The following SCFD2 variants were observed in gnomAD, a reference collection of about 807,000 sequenced individuals.
SCFD2 encodes sec1 family domain-containing protein 2.
SCFD2 carries 54 observed loss-of-function variants against 58.9 expected under a neutral mutation model. That is an observed-to-expected ratio of 0.92 (90% CI 0.74 to 1.15). The LOEUF (loss-of-function observed/expected upper bound fraction) is 1.15, where lower values mean the gene tolerates loss of function less well. Ranked by LOEUF, SCFD2 falls within the 50% of genes most tolerant of loss-of-function variation. The pLI, the probability that SCFD2 is intolerant of heterozygous loss-of-function variation, is 0.00. For synonymous variants in SCFD2, 321 were observed against 335.9 expected, an observed-to-expected ratio of 0.96 and a Z score of 0.49; for missense variants, 805 against 836.6, an observed-to-expected ratio of 0.96 and a Z score of 0.47.
intron 7 of SCFD2, among the ~76,000 whole-genome samples, chr4:52,899,155 G>C (rs559148805): frequency 6.6e-6 from 1 of 152,250 alleles, no homozygotes; most frequent in African/African-American, 2.4e-5. Flanking sequence ...TTACATTTAA[G>C]GTTAGTATTG....
chr4:53,268,017 T>C (rs1225720308), intron 4 of SCFD2, among the ~76,000 whole-genome samples: 1 of 152,104 alleles, frequency 6.6e-6, no homozygotes, highest in Non-Finnish European at 1.5e-5. Flanking sequence ...TTAGAGGACA[T>C]GTGATGTAGA....
chr4:52,912,210 A>G (rs191650080), intron 6 of SCFD2, among the ~76,000 whole-genome samples: 12 of 152,298 alleles, frequency 7.9e-5, no homozygotes, highest in African/African-American at 2.9e-4. Flanking sequence ...GATAATGAAC[A>G]TTATAAAAAT....
At chr4:52,901,173 C>A (rs1448812811) in intron 7 of SCFD2, among the ~76,000 whole-genome samples, 1 of 152,218 alleles carries the variant, frequency 6.6e-6, no homozygotes, top group Non-Finnish European at 1.5e-5. Context: ...CCGGCATTCC[C>A]TCGTGAGATG....
chr4:52,958,349 A>G (rs1720758475), intron 5 of SCFD2, among the ~76,000 whole-genome samples: 1 of 152,240 alleles, frequency 6.6e-6, no homozygotes, highest in South Asian at 2.1e-4. Context: ...ATTTCTGGGA[A>G]GGAAAGAATT....
intron 4 of SCFD2, among the ~76,000 whole-genome samples, chr4:53,179,041 G>T (rs1012263193): frequency 6.6e-6 from 1 of 152,242 alleles, no homozygotes; most frequent in African/African-American, 2.4e-5. Context: ...ACCTGAAAGT[G>T]ATGGGGAGAA....
intron 7 of SCFD2, among the ~76,000 whole-genome samples, chr4:52,900,389 G>T (rs1042111574): frequency 2.0e-5 from 3 of 152,204 alleles, no homozygotes; most frequent in Non-Finnish European, 4.4e-5. Context: ...TCAGCTGCAG[G>T]TCTATTGGAG....
At chr4:53,063,101 T>C (rs1022088757) in intron 5 of SCFD2, among the ~76,000 whole-genome samples, 2 of 152,184 alleles carry the variant, frequency 1.3e-5, no homozygotes, top group African/African-American at 4.8e-5. Flanking sequence ...GACAAGGTTT[T>C]GCATACAAAA....
At chr4:53,271,434 A>ATTTT (rs1164629271) in intron 4 of SCFD2, among the ~76,000 whole-genome samples, 1 of 81,068 alleles carries the variant, frequency 1.2e-5, no homozygotes, top group Non-Finnish European at 2.8e-5. Context: ...TACATACATC[A>ATTTT]CTTTATTTAT....
chr4:52,965,074 G>T (rs1208458493), intron 5 of SCFD2, among the ~76,000 whole-genome samples: 1 of 151,942 alleles, frequency 6.6e-6, no homozygotes, highest in African/African-American at 2.4e-5. Context: ...CATTCACTCA[G>T]ACAGCATGTA....
At position 53,186,459 on chromosome 4, in the gene SCFD2, C is replaced by T. The variant is rs568207318; in HGVS notation, c.1312-40877G>A. ...GAGATTCTTGCACGAAGAACATGTC[C>T]AGAAAATGTTTGTTGAACTTACTTA... On this transcript the variant is annotated intron_variant, in intron 4 of 8. Coordinates refer to ENST00000401642, the MANE Select transcript of SCFD2 (RefSeq NM_152540.4). 2.6e-5 allele frequency among the ~76,000 whole-genome samples: 4 copies of T among 151,930 alleles called. No individual in the cohort carries two copies. In the South Asian group the frequency reaches 8.3e-4, roughly 32 times the overall value.
At chr4:52,907,706 A>G (rs1420574203) in intron 6 of SCFD2, 115 bp from the exon 7 acceptor site, 9 of 845,904 alleles carry the variant, frequency 1.1e-5, no homozygotes, top group Middle Eastern at 3.2e-4. Context: ...AGCAATGCCT[A>G]TATGTGTGTG....
intron 5 of SCFD2, among the ~76,000 whole-genome samples, chr4:53,018,683 T>A (rs1053528541): frequency 6.6e-6 from 1 of 152,172 alleles, no homozygotes; most frequent in Non-Finnish European, 1.5e-5. Flanking sequence ...AGACCCAGCA[T>A]ATCAACCCTG....
chr4:53,314,169 C>T (rs550751235), intron 2 of SCFD2, among the ~76,000 whole-genome samples: 128 of 152,106 alleles, frequency 8.4e-4, no homozygotes, highest in Non-Finnish European at 1.2e-3. Context: ...TATATCAATT[C>T]GAGATTAAAT....
chr4:52,989,945 C>T (rs1350816519), intron 5 of SCFD2, among the ~76,000 whole-genome samples: 5 of 152,166 alleles, frequency 3.3e-5, no homozygotes, highest in Admixed American at 6.5e-5. Flanking sequence ...CATCTCTCTC[C>T]TTCCCTCCCT....
At chr4:53,001,555 T>C (rs1185531247) in intron 5 of SCFD2, among the ~76,000 whole-genome samples, 1 of 152,250 alleles carries the variant, frequency 6.6e-6, no homozygotes, top group Non-Finnish European at 1.5e-5. Flanking sequence ...ATTAATAAAC[T>C]AAAACAAACT....
At chr4:53,067,616 C>T (rs1211243613) in intron 5 of SCFD2, among the ~76,000 whole-genome samples, 1 of 151,940 alleles carries the variant, frequency 6.6e-6, no homozygotes, top group Non-Finnish European at 1.5e-5. Context: ...GGGACTTCCC[C>T]CTTCTCTTGG....
chr4:52,901,215 C>T (rs1186785025), intron 7 of SCFD2, among the ~76,000 whole-genome samples: 2 of 152,206 alleles, frequency 1.3e-5, no homozygotes, highest in Non-Finnish European at 2.9e-5. Context: ...ATGCAGAAAC[C>T]ACCCATCTTC....
At chr4:52,952,495 G>T (rs1364325499) in intron 5 of SCFD2, among the ~76,000 whole-genome samples, 1 of 151,926 alleles carries the variant, frequency 6.6e-6, no homozygotes, top group African/African-American at 2.4e-5. Context: ...GTTCAACAAG[G>T]CCCGTTTAAT....
chr4:53,347,534 G>T (rs1002355780), intron 2 of SCFD2, among the ~76,000 whole-genome samples: 2 of 152,080 alleles, frequency 1.3e-5, no homozygotes, highest in East Asian at 3.9e-4. Context: ...AAAAAAAAAT[G>T]AAATAGGGAA....
Sources: allele counts gnomAD v4.1 joint callset (sites outside exome capture counted in the v4.1 genomes callset), GRCh38; gene constraint gnomAD v4.1.1; transcripts MANE v1.5; gene names NCBI Gene and HGNC (gene_info 2026-07-23, HGNC 2026-07-21).